The following ZNF423 variants were observed in gnomAD, a reference collection of about 807,000 sequenced individuals.
The protein encoded by ZNF423 is zinc finger protein 423.
ZNF423 carries 12 observed loss-of-function variants against 95.8 expected under a neutral mutation model. The ratio of observed to expected loss-of-function variants is 0.13; its 90% CI spans 0.08 to 0.20. The LOEUF (loss-of-function observed/expected upper bound fraction) is 0.20. Ranked by LOEUF, ZNF423 falls within the 10% of genes least tolerant of loss-of-function variation. ZNF423 has a pLI of 1.00. For synonymous variants in ZNF423, 749 were observed against 711.9 expected (o/e 1.05, Z -0.83); for missense variants, 1,316 against 1,737.1 (o/e 0.76, Z 4.31).
intron 5 of ZNF423, among the ~76,000 whole-genome samples, chr16:49,530,121 T>C (rs1968785990): frequency 6.6e-6 from 1 of 152,184 alleles, no homozygotes. Context: ...TAAGTTACTT[T>C]GCCTCTCTGA....
At chr16:49,645,156 G>A (rs760908283) in intron 3 of ZNF423, among the ~76,000 whole-genome samples, 3 of 152,164 alleles carry the variant, frequency 2.0e-5, no homozygotes, top group Middle Eastern at 3.2e-3. Flanking sequence ...AAGGAGACCA[G>A]TTCCCGACAG....
At chr16:49,504,386 A>T (rs1967549036) in intron 7 of ZNF423, among the ~76,000 whole-genome samples, 1 of 152,238 alleles carries the variant, frequency 6.6e-6, no homozygotes. Context: ...GTTCGATACC[A>T]GCCTAGCCAA....
chr16:49,682,371 C>T (rs559921970), intron 3 of ZNF423, among the ~76,000 whole-genome samples: 47 of 152,334 alleles, frequency 3.1e-4, no homozygotes, highest in African/African-American at 1.1e-3. Flanking sequence ...CATCCCACCC[C>T]TCCTGCTCAG....
rs1448904663 is a variant in ZNF423 at position 49,842,410 on chromosome 16, A to AAGGAAGGAAGGAAGGAAGGAAGGC, written c.40+13324_40+13325insGCCTTCCTTCCTTCCTTCCTTCCT. ...GAAGGAAGGAAGGAAGGAAGGAAGG[A>AAGGAAGGAAGGAAGGAAGGAAGGC]AGGCAGGCAGGCAGGCAGGCAGGCA... On this transcript the variant is annotated intron_variant, in intron 1 of 7. Coordinates refer to ENST00000563137, the MANE Select transcript of ZNF423 (RefSeq NM_001379286.1). Among the ~76,000 whole-genome samples the AAGGAAGGAAGGAAGGAAGGAAGGC allele has an allele frequency of 2.1e-3, 166 of 77,860 alleles. 1 individual carries two copies. The highest frequency in any genetic ancestry group is 6.8e-3 in the African/African-American group (154 of 22,628). The allele number at this position is 77,860 out of a possible 152,430, so 51.1% of individuals were successfully genotyped here.
rs1972269754 is a variant in ZNF423, at chr16:49,626,319, G to C, written c.3517-65C>G. ...AGGTAGGAAAAAGGAGAAAGCAAAA[G>C]TTCCTAGGGGGCCTGGGTCAAGACT... On this transcript the variant is annotated intron_variant, in intron 4 of 7. Coordinates refer to ENST00000563137, the MANE Select transcript of ZNF423 (RefSeq NM_001379286.1). 3 of 1,501,010 alleles carry C rather than the reference G, an allele frequency of 2.0e-6. No individual in the cohort carries two copies. In the East Asian group the frequency reaches 6.8e-5, roughly 34 times the overall value. The allele number at this position is 1,501,010 out of a possible 1,614,324, so 93.0% of individuals were successfully genotyped here.
chr16:49,637,186 CCAGGTGCAGCTT>C lies in ZNF423; in HGVS notation c.1978_1989del (p.Lys660_Leu663del), dbSNP rs1221302867. 2 of 1,613,890 alleles carry C rather than the reference CCAGGTGCAGCTT, an allele frequency of 1.2e-6. No individual in the cohort carries two copies. The highest frequency in any genetic ancestry group is 1.7e-5 in the Admixed American group (1 of 60,028). ...CACGCTTGCTTCCGCAGCAGCAGCT[CCAGGTGCAGCTT>C]CAGGTGGGTCTGGAAGCTCTCAAAG... On this transcript the variant is annotated inframe_deletion, in exon 4 of 8. Coordinates refer to ENST00000563137, the MANE Select transcript of ZNF423 (RefSeq NM_001379286.1). This position sits in a 1 kb window ranked among gnomAD's most constrained non-coding sequence, Gnocchi z 5.6.
At chr16:49,538,130 G>A (rs943694208) in intron 5 of ZNF423, among the ~76,000 whole-genome samples, 2 of 152,226 alleles carry the variant, frequency 1.3e-5, no homozygotes, top group African/African-American at 2.4e-5. Flanking sequence ...ACCAGGAGAG[G>A]CAGGGACAGG....
chr16:49,851,878 A>T (rs1178700560), intron 1 of ZNF423, among the ~76,000 whole-genome samples: 1 of 152,204 alleles, frequency 6.6e-6, no homozygotes, highest in East Asian at 1.9e-4. Flanking sequence ...GGGAATCGAT[A>T]ACTTAATTGA....
intron 2 of ZNF423, among the ~76,000 whole-genome samples, chr16:49,765,126 T>C (rs750208316): frequency 2.0e-4 from 30 of 151,986 alleles, no homozygotes; most frequent in Non-Finnish European, 1.0e-4. Context: ...ATCCCATGTA[T>C]GCAAAAAGGC....
intron 5 of ZNF423, among the ~76,000 whole-genome samples, chr16:49,597,184 G>A (rs1216947052): frequency 2.0e-5 from 3 of 152,008 alleles, no homozygotes; most frequent in East Asian, 3.9e-4. Context: ...TTCCCCAAGA[G>A]CCTGCTCCTC....
intron 5 of ZNF423, among the ~76,000 whole-genome samples, chr16:49,584,204 C>T (rs1970751702): frequency 6.6e-6 from 1 of 152,146 alleles, no homozygotes; most frequent in African/African-American, 2.4e-5. Flanking sequence ...CTGTGGAGCC[C>T]ATTTCAAATG....
intron 3 of ZNF423, among the ~76,000 whole-genome samples, chr16:49,656,338 C>T (rs1414395430): frequency 1.3e-5 from 2 of 151,994 alleles, no homozygotes; most frequent in Non-Finnish European, 2.9e-5. Context: ...TGGTGAAACC[C>T]CGTCTCTACT....
chr16:49,564,707 T>A (rs1970132928), intron 5 of ZNF423, among the ~76,000 whole-genome samples: 1 of 152,144 alleles, frequency 6.6e-6, no homozygotes, highest in Non-Finnish European at 1.5e-5. Flanking sequence ...CCTTTGGAAG[T>A]AGTGTGGAAA....
At chr16:49,642,912 C>G (rs146852054) in intron 3 of ZNF423, among the ~76,000 whole-genome samples, 68 of 150,146 alleles carry the variant, frequency 4.5e-4, no homozygotes, top group Middle Eastern at 3.5e-3. Context: ...CCTCTGCCTC[C>G]CAGGTTCAAG....
At chr16:49,828,546 G>A (rs1227070861) in intron 1 of ZNF423, among the ~76,000 whole-genome samples, 3 of 152,210 alleles carry the variant, frequency 2.0e-5, no homozygotes, top group Non-Finnish European at 1.5e-5. Flanking sequence ...AGCAACAGCA[G>A]GGGCCTAGAA....
intron 5 of ZNF423, among the ~76,000 whole-genome samples, chr16:49,581,147 T>C (rs1970661772): frequency 6.9e-6 from 1 of 145,982 alleles, no homozygotes. Flanking sequence ...GGTATGTTCC[T>C]CCAGCCCCAC....
At chr16:49,776,157 G>A (rs1366582552) in intron 2 of ZNF423, among the ~76,000 whole-genome samples, 7 of 152,176 alleles carry the variant, frequency 4.6e-5, no homozygotes, top group African/African-American at 1.2e-4. Flanking sequence ...AGAGGGCAGC[G>A]GAGACGGAAG....
chr16:49,677,307 A>AAGGGAAGG (rs2031131183), intron 3 of ZNF423, among the ~76,000 whole-genome samples: 1 of 69,814 alleles, frequency 1.4e-5, no homozygotes, highest in Non-Finnish European at 3.0e-5. Context: ...AGAAGAGAAG[A>AAGGGAAGG]GAAAGGAGGG....
rs1372829218 is a variant in ZNF423 at position 49,603,282 on chromosome 16, G to A, written c.3601+22888C>T. ...ATCCTGCAGGCCTGTGTCCTGTGGG[G>A]TTCCTGTCACTCAAAGAATCTTGCC... On this transcript the variant is annotated intron_variant, in intron 5 of 7. Transcript: ENST00000563137. The surrounding 1 kb of genome is among the most constrained non-coding windows in gnomAD (Gnocchi z 4.1). Among the ~76,000 whole-genome samples the A allele has an allele frequency of 6.6e-6, 1 of 152,184 alleles. No homozygotes were observed. The highest frequency in any genetic ancestry group is 1.5e-5 in the Non-Finnish European group (1 of 68,032).
Sources: allele counts gnomAD v4.1 joint callset (sites outside exome capture counted in the v4.1 genomes callset), GRCh38; gene constraint gnomAD v4.1.1; non-coding constraint Gnocchi (gnomAD v3.1); transcripts MANE v1.5; gene names NCBI Gene and HGNC (gene_info 2026-07-23, HGNC 2026-07-21).